NTNG1: variants seen among roughly 807,000 people sequenced by gnomAD.
The protein encoded by NTNG1 is netrin-G1.
In NTNG1, 16 loss-of-function variants were observed where a neutral mutation model predicts 54.0. That is an observed-to-expected ratio of 0.30 (90% CI 0.20 to 0.45). NTNG1 has a LOEUF of 0.45. Ranked by LOEUF, NTNG1 falls within the 20% of genes least tolerant of loss-of-function variation. The pLI, the probability that NTNG1 is intolerant of heterozygous loss-of-function variation, is 1.00. For synonymous variants in NTNG1, 255 were observed against 263.1 expected (o/e 0.97, Z 0.30); for missense variants, 530 against 678.7 (o/e 0.78, Z 2.43).
intron 2 of NTNG1, among the ~76,000 whole-genome samples, chr1:107,303,386 C>T (rs1666444582): frequency 2.0e-5 from 3 of 152,000 alleles, no homozygotes; most frequent in African/African-American, 7.2e-5. Context: ...TAATCTTAGC[C>T]ATAGAGCATA....
chr1:107,199,205 G>A (rs1314556766), intron 2 of NTNG1, among the ~76,000 whole-genome samples: 1 of 151,432 alleles, frequency 6.6e-6, no homozygotes, highest in Non-Finnish European at 1.5e-5. Flanking sequence ...ATTACCTTCA[G>A]TTATCTCCCC....
At chr1:107,387,389 C>T (rs1672075741) in intron 3 of NTNG1, among the ~76,000 whole-genome samples, 1 of 152,208 alleles carries the variant, frequency 6.6e-6, no homozygotes, top group African/African-American at 2.4e-5. Context: ...AGAACTCTGA[C>T]ATACTGGTGA....
At chr1:107,457,316 A>C (rs766797609) in intron 7 of NTNG1, among the ~76,000 whole-genome samples, 1 of 152,228 alleles carries the variant, frequency 6.6e-6, no homozygotes, top group Non-Finnish European at 1.5e-5. Context: ...CTTCAGCTTA[A>C]AAGAGCAGTA....
chr1:107,351,966 AACC>A (rs1242951287), intron 3 of NTNG1, among the ~76,000 whole-genome samples: 1 of 152,260 alleles, frequency 6.6e-6, no homozygotes, highest in Non-Finnish European at 1.5e-5. Flanking sequence ...GTAGTCATTA[AACC>A]TTAAAGCTTC....
chr1:107,417,535 A>C (rs527666194), intron 5 of NTNG1, among the ~76,000 whole-genome samples: 12 of 152,116 alleles, frequency 7.9e-5, no homozygotes, highest in African/African-American at 1.2e-4. Context: ...ATCCAATCCA[A>C]TTACAGAGAT....
At chr1:107,385,466 G>A (rs905146701) in intron 3 of NTNG1, among the ~76,000 whole-genome samples, 8 of 152,132 alleles carry the variant, frequency 5.3e-5, no homozygotes, top group African/African-American at 1.9e-4. Flanking sequence ...TTTCACAGAC[G>A]CCATGCCTGC....
intron 3 of NTNG1, among the ~76,000 whole-genome samples, chr1:107,371,612 C>A (rs921154942): frequency 6.6e-6 from 1 of 151,940 alleles, no homozygotes; most frequent in Non-Finnish European, 1.5e-5. Flanking sequence ...TGTAGTTAGA[C>A]ATCTTCCCAC....
intron 1 of NTNG1, among the ~76,000 whole-genome samples, chr1:107,147,563 G>A (rs1040902840): frequency 2.6e-5 from 4 of 152,018 alleles, no homozygotes; most frequent in Non-Finnish European, 4.4e-5. Flanking sequence ...ACAGGGACAG[G>A]CTTATGCCAA....
intron 7 of NTNG1, chr1:107,455,733 T>G (rs570038737): frequency 2.7e-5 from 10 of 376,498 alleles, no homozygotes; most frequent in South Asian, 1.6e-4. Context: ...TTTACTGTGG[T>G]AGCAACTTTC....
intron 2 of NTNG1, among the ~76,000 whole-genome samples, chr1:107,314,227 A>AC (rs1437153093): frequency 6.6e-6 from 1 of 151,488 alleles, no homozygotes; most frequent in African/African-American, 2.4e-5. Context: ...ACATAGTGAA[A>AC]CCCCGTCTCT....
chr1:107,449,675 G>T (rs593286), intron 7 of NTNG1, among the ~76,000 whole-genome samples: 145,226 of 151,504 alleles, frequency 0.96, 69,907 homozygotes, highest in East Asian at 1. Context: ...AAGAGTCCTT[G>T]CTTTTTTCCT....
intron 1 of NTNG1, among the ~76,000 whole-genome samples, chr1:107,142,819 G>A (rs1341339319): frequency 1.3e-5 from 2 of 151,650 alleles, no homozygotes; most frequent in African/African-American, 4.8e-5. Flanking sequence ...CCCTTGAGGA[G>A]GATCTCTAGT....
intron 7 of NTNG1, among the ~76,000 whole-genome samples, chr1:107,474,412 G>A (rs1263640512): frequency 1.3e-5 from 2 of 152,184 alleles, no homozygotes; most frequent in Non-Finnish European, 2.9e-5. Context: ...AGGATTATGT[G>A]AGATAATGCC....
At position 107,472,447 on chromosome 1, in the gene NTNG1, A is replaced by T. The variant is rs937500366; in HGVS notation, c.1391-8164A>T. Among the ~76,000 whole-genome samples the T allele has an allele frequency of 4.6e-5, 7 of 152,362 alleles. No homozygotes were observed. In the South Asian group the frequency reaches 1.4e-3, roughly 32 times the overall value. Reference sequence around the variant, plus strand: ...CTAACTTTACAGCTGCAACTAGAATACAAGCCCCTCATGTGCAGCTCCACT... The same window carrying T: ...CTAACTTTACAGCTGCAACTAGAATTCAAGCCCCTCATGTGCAGCTCCACT... On this transcript the variant is annotated intron_variant, in intron 7 of 7. Transcript: ENST00000370068.
At chr1:107,267,840 A>T (rs1023243270) in intron 2 of NTNG1, among the ~76,000 whole-genome samples, 1 of 152,066 alleles carries the variant, frequency 6.6e-6, no homozygotes, top group Non-Finnish European at 1.5e-5. Context: ...TCTGTCCTTC[A>T]CTAGAATGAA....
At chr1:107,384,596 A>T (rs914788729) in intron 3 of NTNG1, among the ~76,000 whole-genome samples, 1 of 152,192 alleles carries the variant, frequency 6.6e-6, no homozygotes, top group South Asian at 2.1e-4. Context: ...GTTTCCAAAG[A>T]TAATTTTCTC....
At chr1:107,435,648 C>T (rs1363174095) in intron 6 of NTNG1, among the ~76,000 whole-genome samples, 1 of 152,082 alleles carries the variant, frequency 6.6e-6, no homozygotes, top group Non-Finnish European at 1.5e-5. Context: ...ACTAAATTTT[C>T]AAGACTTCTC....
At chr1:107,227,373 C>A (rs1660755597) in intron 2 of NTNG1, among the ~76,000 whole-genome samples, 1 of 152,134 alleles carries the variant, frequency 6.6e-6, no homozygotes, top group Admixed American at 6.6e-5. Flanking sequence ...CTCCCTAGGA[C>A]TCAACCTTGA....
At chr1:107,255,937 T>A (rs1177049733) in intron 2 of NTNG1, among the ~76,000 whole-genome samples, 5 of 152,218 alleles carry the variant, frequency 3.3e-5, no homozygotes, top group Non-Finnish European at 7.3e-5. Flanking sequence ...AACATAACTG[T>A]TTTGAGAAAG....
Sources: gnomAD v4.1 joint callset for allele counts (sites outside exome capture counted in the v4.1 genomes callset) on GRCh38, gnomAD v4.1.1 for gene constraint, MANE v1.5 for transcripts, NCBI Gene and HGNC (gene_info 2026-07-23, HGNC 2026-07-21) for gene names.